PACC1: variants seen among roughly 807,000 people sequenced by gnomAD.
The protein encoded by PACC1 is proton activated chloride channel 1, also known as proton-activated chloride channel.
PACC1 carries 34 observed loss-of-function variants against 39.7 expected under a neutral mutation model. That is an observed-to-expected ratio of 0.86 (90% CI 0.65 to 1.14). PACC1 has a LOEUF of 1.14. PACC1 is among the 50% of genes most tolerant of loss of function. The probability of loss-of-function intolerance (pLI) is 0.00; values close to 1 mark genes in which losing one functional copy is unlikely to be tolerated. For synonymous variants in PACC1, 127 were observed against 160.6 expected, an observed-to-expected ratio of 0.79 and a Z score of 1.58; for missense variants, 379 against 436.4, an observed-to-expected ratio of 0.87 and a Z score of 1.17.
intron 2 of PACC1, among the ~76,000 whole-genome samples, chr1:212,399,792 C>T (rs1661649992): frequency 6.6e-6 from 1 of 152,186 alleles, no homozygotes; most frequent in Admixed American, 6.5e-5. Flanking sequence ...AATCCACCCG[C>T]CTCGGCCTCC....
At chr1:212,381,694 T>TACACACAC (rs747376806) in intron 4 of PACC1, among the ~76,000 whole-genome samples, 10,287 of 78,262 alleles carry the variant, frequency 0.13, 585 homozygotes, top group Non-Finnish European at 0.19. Flanking sequence ...ACACACACAC[T>TACACACAC]GCACACACAC....
chr1:212,385,768 C>T (rs1278169239), intron 3 of PACC1, among the ~76,000 whole-genome samples: 3 of 152,140 alleles, frequency 2.0e-5, no homozygotes, highest in South Asian at 4.1e-4. Flanking sequence ...GGGCCAACAC[C>T]CACCTGCAGA....
intron 6 of PACC1, 65 bp from the exon 7 acceptor site, chr1:212,375,365 C>T (rs1185933544): frequency 2.0e-5 from 23 of 1,165,982 alleles, no homozygotes; most frequent in Non-Finnish European, 2.6e-5. Context: ...CTGTGCCCAG[C>T]GAAAGGAGAG....
At chr1:212,382,202 C>T (rs1417359043) in intron 4 of PACC1, among the ~76,000 whole-genome samples, 1 of 152,118 alleles carries the variant, frequency 6.6e-6, no homozygotes, top group Non-Finnish European at 1.5e-5. Context: ...CTACACACGC[C>T]TGATTTTTTT....
At chr1:212,372,742 AAGAG>A (rs1399877948) in intron 7 of PACC1, among the ~76,000 whole-genome samples, 3 of 152,196 alleles carry the variant, frequency 2.0e-5, no homozygotes, top group African/African-American at 4.8e-5. Context: ...TAAAATAAAA[AAGAG>A]AGCAATCCCA....
Position 212,414,802 on chromosome 1 carries a change from C to T in PACC1, c.-45G>A, listed in dbSNP as rs369162286. 3.1e-6 allele frequency: 5 copies of T among 1,607,860 alleles called. No homozygotes were observed. The Admixed American group carries it at 5.0e-5, about 16-fold the overall frequency. On this transcript the variant is annotated 5_prime_UTR_variant, in exon 1 of 8. Transcript: ENST00000261455. Reference sequence around the variant, plus strand: ...GCACACCTGAGACCGCCCCAGCCCGCGGCGCACGGACGCAGCACTGCGGCC... The same window carrying T: ...GCACACCTGAGACCGCCCCAGCCCGTGGCGCACGGACGCAGCACTGCGGCC...
At chr1:212,402,868 G>A (rs1415446152) in intron 2 of PACC1, among the ~76,000 whole-genome samples, 1 of 152,104 alleles carries the variant, frequency 6.6e-6, no homozygotes, top group African/African-American at 2.4e-5. Context: ...TGGTCAGGCT[G>A]GTCTCAAAAT....
At chr1:212,383,837 C>T (rs1210464434) in intron 4 of PACC1, among the ~76,000 whole-genome samples, 2 of 147,020 alleles carry the variant, frequency 1.4e-5, no homozygotes, top group Non-Finnish European at 3.0e-5. Context: ...TAGAAGTCTG[C>T]TCTGTTTCCT....
chr1:212,408,414 G>A (rs944485922), intron 2 of PACC1, among the ~76,000 whole-genome samples: 1 of 151,648 alleles, frequency 6.6e-6, no homozygotes, highest in East Asian at 1.9e-4. Flanking sequence ...AGGCTAGAGT[G>A]CAGTGGCATG....
At chr1:212,412,426 T>G (rs765663527) in intron 1 of PACC1, among the ~76,000 whole-genome samples, 17 of 152,140 alleles carry the variant, frequency 1.1e-4, no homozygotes, top group Admixed American at 2.6e-4. Context: ...AAATTCTCAG[T>G]ATATCCCACC....
At chr1:212,385,893 C>A (rs1019324773) in intron 3 of PACC1, among the ~76,000 whole-genome samples, 1 of 152,202 alleles carries the variant, frequency 6.6e-6, no homozygotes. Context: ...CCAGCCCAGG[C>A]ACCTCTACTG....
intron 2 of PACC1, among the ~76,000 whole-genome samples, chr1:212,409,637 G>A (rs1233913684): frequency 6.6e-6 from 1 of 152,116 alleles, no homozygotes; most frequent in Non-Finnish European, 1.5e-5. Flanking sequence ...TGATCATGAG[G>A]TCAATTTTGG....
chr1:212,368,328 T>A (rs1369865355), intron 7 of PACC1, among the ~76,000 whole-genome samples: 1 of 152,064 alleles, frequency 6.6e-6, no homozygotes, highest in African/African-American at 2.4e-5. Flanking sequence ...TCAATGCCCA[T>A]AGACAGACGT....
At chr1:212,367,479 A>G (rs940324205) in intron 7 of PACC1, among the ~76,000 whole-genome samples, 2 of 152,322 alleles carry the variant, frequency 1.3e-5, no homozygotes, top group South Asian at 4.1e-4. Flanking sequence ...GGCCCACCCC[A>G]GATCAGAGGG....
intron 5 of PACC1, among the ~76,000 whole-genome samples, chr1:212,378,279 A>G (rs1190328313): frequency 6.6e-6 from 1 of 152,244 alleles, no homozygotes; most frequent in Non-Finnish European, 1.5e-5. Flanking sequence ...CATACCGAGG[A>G]AGCTCACGAA....
At chr1:212,398,769 T>C (rs1030247949) in intron 2 of PACC1, among the ~76,000 whole-genome samples, 1 of 152,234 alleles carries the variant, frequency 6.6e-6, no homozygotes, top group Admixed American at 6.5e-5. Context: ...TCTCTCCATG[T>C]TTCTCTCTTG....
At chr1:212,412,831 A>G (rs1448484941) in intron 1 of PACC1, among the ~76,000 whole-genome samples, 1 of 152,176 alleles carries the variant, frequency 6.6e-6, no homozygotes, top group East Asian at 1.9e-4. Flanking sequence ...GCTATCATTC[A>G]CTGTGGGGTC....
chr1:212,398,001 T>C (rs56104831), intron 2 of PACC1, among the ~76,000 whole-genome samples: 8,100 of 152,266 alleles, frequency 0.053, 335 homozygotes, highest in Admixed American at 0.11. Flanking sequence ...ACATTTTTCA[T>C]GTAAAAAGAA....
chr1:212,414,539 G>A (rs1378673727), intron 1 of PACC1, among the ~76,000 whole-genome samples, 183 bp downstream of exon 1: 5 of 152,124 alleles, frequency 3.3e-5, no homozygotes, highest in Non-Finnish European at 7.3e-5. Context: ...CCGCTGCCCC[G>A]CTTCCTTCCT....
Sources: allele counts gnomAD v4.1 joint callset (sites outside exome capture counted in the v4.1 genomes callset), GRCh38; gene constraint gnomAD v4.1.1; transcripts MANE v1.5; gene names NCBI Gene and HGNC (gene_info 2026-07-23, HGNC 2026-07-21).